TRIML1: variants seen among roughly 807,000 people sequenced by gnomAD.
TRIML1 encodes probable E3 ubiquitin-protein ligase TRIML1.
A neutral mutation model predicts 32.3 loss-of-function variants in TRIML1; 34 were observed. The observed-to-expected ratio is 1.05, with a 90% CI of 0.80 to 1.40. The LOEUF is 1.40. Among genes scored for constraint, TRIML1 ranks in the 40% most tolerant of loss-of-function variants. The probability of loss-of-function intolerance (pLI) is 0.00; values close to 1 mark genes in which losing one functional copy is unlikely to be tolerated. For missense variants in TRIML1, 595 were observed against 574.9 expected, an observed-to-expected ratio of 1.03 and a Z score of -0.36; for synonymous variants, 244 against 226.6, an observed-to-expected ratio of 1.08 and a Z score of -0.69.
Position 188,146,836 on chromosome 4 carries a change from G to C in TRIML1, c.871G>C (p.Asp291His). The C allele has an allele frequency of 7.2e-7, 1 of 1,395,510 alleles. No individual in the cohort carries two copies. The highest frequency in any genetic ancestry group is 2.1e-5 in the South Asian group (1 of 46,628). 86.4% of individuals were successfully genotyped at this position (1,395,510 alleles called of 1,614,324 possible). The change falls in exon 6 of 6, where the codon GAC (aspartate) becomes CAC (histidine). Residue 291 changes from aspartate (D) to histidine (H), a missense_variant. Coordinates refer to ENST00000332517, the MANE Select transcript of TRIML1 (RefSeq NM_178556.5). ...TCCTCTTGCAGCGGAGATAACGCTGGACCCAGCCACAGCTAATGCCTATCT... is the reference window on the plus strand; with the variant it reads ...TCCTCTTGCAGCGGAGATAACGCTGCACCCAGCCACAGCTAATGCCTATCT... ...LRKFSTEITL[D>H]PATANAYLVL...
chr4:188,147,209 C>T lies in TRIML1; in HGVS notation c.1244C>T (p.Ser415Phe). The change falls in exon 6 of 6, where the codon TCT (serine) becomes TTT (phenylalanine). Residue 415 changes from serine to phenylalanine, a missense_variant. By Grantham distance (155) the Ser-to-Phe change is radical. Transcript: ENST00000332517. ...GTTGGTGTCTTCCTGGACTATGAAT[C>T]TGGACATATAGCATTCTACAACGGG... ...CKVGVFLDYESGHIAFYNGTD... is the reference protein window; with the variant it reads ...CKVGVFLDYEFGHIAFYNGTD... 1 of 1,613,764 alleles carries T rather than the reference C, an allele frequency of 6.2e-7. No individual in the cohort carries two copies.
chr4:188,139,834 G>A lies in TRIML1; in HGVS notation c.276G>A (p.Gln92=). Residue 92 remains glutamine (Q), a synonymous_variant, in exon 1 of 6, where the codon CAG becomes CAA. Transcript: ENST00000332517. ...AGGTGCTGCAGAGCGAGGATGAGCA[G>A]GGCAGCTACGGGAGGATGCCCACCA... The part of the protein sequence containing the change: ...RSQVLQSEDE[Q]GSYGRMPTTA... 6.2e-7 allele frequency: 1 copy of A among 1,613,882 alleles called. No homozygotes were observed. Among genetic ancestry groups the A allele is most frequent in the Non-Finnish European group, 8.5e-7 (1 of 1,180,042 alleles).
upstream of TRIML1, among the ~76,000 whole-genome samples, chr4:188,138,943 A>C (rs1734747227): frequency 6.6e-5 from 10 of 152,022 alleles, no homozygotes; most frequent in South Asian, 2.1e-3. Flanking sequence ...TGTTGGGATG[A>C]ATAAAATTAA....
chr4:188,148,038 G>A (rs546704100), downstream of TRIML1, among the ~76,000 whole-genome samples: 3 of 152,346 alleles, frequency 2.0e-5, no homozygotes, highest in East Asian at 3.9e-4. Flanking sequence ...GTTAAAAGGT[G>A]ACAGAGCAAA....
chr4:188,137,233 CTGAA>C (rs1329341268), upstream of TRIML1, among the ~76,000 whole-genome samples: 2 of 150,350 alleles, frequency 1.3e-5, no homozygotes, highest in Admixed American at 6.6e-5. Context: ...AAATAACACA[CTGAA>C]TGGAGATGGT....
chr4:188,147,240 T>A lies in TRIML1; in HGVS notation c.1275T>A (p.Asp425Glu). The A allele has an allele frequency of 6.2e-7, 1 of 1,608,742 alleles. No homozygotes were observed. The highest frequency in any genetic ancestry group is 2.2e-5 in the East Asian group (1 of 44,788). Residue 425 changes from aspartate (D) to glutamate (E), a missense_variant, in exon 6 of 6, where the codon GAT (aspartate) becomes GAA (glutamate). By Grantham distance (45) the Asp-to-Glu change is conservative. Transcript: ENST00000332517. ...ATATAGCATTCTACAACGGGACGGA[T>A]GAATCCCTCATCTACAGCTTCCCGC... ...SGHIAFYNGT[D>E]ESLIYSFPQA...
At chr4:188,145,554 G>A (rs1334711931) in intron 5 of TRIML1, among the ~76,000 whole-genome samples, 1 of 151,346 alleles carries the variant, frequency 6.6e-6, no homozygotes, top group Non-Finnish European at 1.5e-5. Context: ...CAGGCATGGT[G>A]GCTCATGCCT....
upstream of TRIML1, among the ~76,000 whole-genome samples, chr4:188,137,911 C>A (rs1437699066): frequency 7.9e-6 from 1 of 125,892 alleles, no homozygotes; most frequent in Non-Finnish European, 1.7e-5. Context: ...CCGCGCCTGG[C>A]CAAACTTTTT....
downstream of TRIML1, among the ~76,000 whole-genome samples, chr4:188,149,097 T>C (rs1735184808): frequency 1.3e-5 from 2 of 151,766 alleles, no homozygotes; most frequent in African/African-American, 4.8e-5. Flanking sequence ...GTATTTTTTT[T>C]TTTAGTAGAG....
chr4:188,144,581 C>A (rs1003905863), intron 5 of TRIML1, among the ~76,000 whole-genome samples: 1 of 149,094 alleles, frequency 6.7e-6, no homozygotes, highest in African/African-American at 2.4e-5. Flanking sequence ...CCAGGATGGT[C>A]TCGATCTCCT....
At chr4:188,142,592 C>A in intron 3 of TRIML1, 110 bp downstream of exon 3, 3 of 827,730 alleles carry the variant, frequency 3.6e-6, no homozygotes, top group Non-Finnish European at 5.6e-6. Context: ...AGTTCTGGTC[C>A]AAAAGTAGTT....
At chr4:188,139,303 T>G (rs772322814), upstream of TRIML1, 2 of 372,304 alleles carry the variant, frequency 5.4e-6, no homozygotes, top group Non-Finnish European at 9.6e-6. Flanking sequence ...TGTGTGCTTT[T>G]CACAGAGATA....
chr4:188,140,088 C>G, intron 1 of TRIML1, 122 bp downstream of exon 1: 1 of 1,023,898 alleles, frequency 9.8e-7, no homozygotes, highest in Non-Finnish European at 1.4e-6. Context: ...CACCACATCA[C>G]AAACTGGCGT....
At chr4:188,146,707 C>A (rs990320103) in intron 5 of TRIML1, 115 bp from the exon 6 acceptor site, 10 of 881,674 alleles carry the variant, frequency 1.1e-5, no homozygotes, top group South Asian at 4.3e-5. Flanking sequence ...ACGCCCGGCC[C>A]CAAATTACAT....
Position 188,144,018 on chromosome 4 carries a change from C to T in TRIML1, c.759-18C>T, listed in dbSNP as rs1383805274. ...ACGCGGTCTGTGCCGAGGAGTGAAC[C>T]TCTCTGCTCTCTTGCAGGAGCGAGC... On this transcript the variant is annotated intron_variant, in intron 4 of 5. Coordinates refer to ENST00000332517, the MANE Select transcript of TRIML1 (RefSeq NM_178556.5). 1.2e-5 allele frequency: 19 copies of T among 1,612,940 alleles called. No homozygotes were observed. The highest frequency in any genetic ancestry group is 3.3e-5 in the Admixed American group (2 of 59,892).
rs1734946512 is a variant in TRIML1 at position 188,143,637 on chromosome 4, T to G, written c.736-201T>G. ...AAAAGGACAAAGTATTCTCTAGTCA[T>G]TGTGAGAAACACCTTGTGTTCACCA... On this transcript the variant is annotated intron_variant, in intron 3 of 5. Coordinates refer to ENST00000332517, the MANE Select transcript of TRIML1 (RefSeq NM_178556.5). 3 of 672,828 alleles carry G rather than the reference T, an allele frequency of 4.5e-6. No individual in the cohort carries two copies. The East Asian group carries it at 7.5e-5, about 17-fold the overall frequency. The allele number at this position is 672,828 out of a possible 1,614,324, so 41.7% of individuals were successfully genotyped here. A position where few individuals can be genotyped will look rare whatever the true frequency, so the allele number is the denominator to read the frequency against.
downstream of TRIML1, among the ~76,000 whole-genome samples, chr4:188,149,210 C>G (rs1028239382): frequency 3.9e-5 from 6 of 151,970 alleles, no homozygotes; most frequent in Non-Finnish European, 5.9e-5. Flanking sequence ...TGAGCCCCCG[C>G]GCCTGGCCCA....
intron 5 of TRIML1, among the ~76,000 whole-genome samples, chr4:188,144,856 AG>A (rs1212361549): frequency 1.8e-4 from 28 of 152,144 alleles, no homozygotes; most frequent in Non-Finnish European, 1.3e-4. Flanking sequence ...CCAGATGTTT[AG>A]TCCAGCCAAC....
rs928767172 is a variant in TRIML1, at chr4:188,142,032, A to G, written c.505-220A>G. On this transcript the variant is annotated intron_variant, in intron 2 of 5. Transcript: ENST00000332517. ...CTCAGGAGGCTGAGGCAGGAGAATCATTTGAACTCAGGAGGCAGAGGTTGC... is the reference window on the plus strand; with the variant it reads ...CTCAGGAGGCTGAGGCAGGAGAATCGTTTGAACTCAGGAGGCAGAGGTTGC... Among the ~76,000 whole-genome samples the G allele has an allele frequency of 3.7e-4, 56 of 150,820 alleles. No homozygotes were observed. In the Admixed American group the frequency reaches 3.7e-3, roughly 10 times the overall value.
Sources: allele counts gnomAD v4.1 joint callset (sites outside exome capture counted in the v4.1 genomes callset), GRCh38; gene constraint gnomAD v4.1.1; transcripts MANE v1.5; gene names NCBI Gene and HGNC (gene_info 2026-07-23, HGNC 2026-07-21).